DNM2: variants seen among roughly 807,000 people sequenced by gnomAD.
DNM2 encodes the protein dynamin-2.
In DNM2, 15 loss-of-function variants were observed where a neutral mutation model predicts 99.0. The ratio of observed to expected loss-of-function variants is 0.15; its 90% CI spans 0.10 to 0.23. The LOEUF (loss-of-function observed/expected upper bound fraction) is 0.23. Ranked by LOEUF, DNM2 falls within the 10% of genes least tolerant of loss-of-function variation. The probability of loss-of-function intolerance (pLI) is 1.00; values close to 1 mark genes in which losing one functional copy is unlikely to be tolerated. For missense variants in DNM2, 742 were observed against 1,189.4 expected (o/e 0.62, Z 5.53); for synonymous variants, 525 against 481.2 (o/e 1.09, Z -1.19).
intron 2 of DNM2, among the ~76,000 whole-genome samples, chr19:10,763,921 G>A (rs1222952269): frequency 6.6e-6 from 1 of 152,172 alleles, no homozygotes; most frequent in Non-Finnish European, 1.5e-5. Context: ...AGGCAATGGG[G>A]GCCTGGCCCT....
At chr19:10,799,345 C>A (rs1029931158) in intron 11 of DNM2, among the ~76,000 whole-genome samples, 2 of 152,168 alleles carry the variant, frequency 1.3e-5, no homozygotes, top group Admixed American at 6.5e-5. Context: ...TGACTCCCTT[C>A]CTGCCACCCT....
At chr19:10,779,502 CTTTTTTTTTTT>C (rs55819116) in intron 5 of DNM2, among the ~76,000 whole-genome samples, 1 of 29,602 alleles carries the variant, frequency 3.4e-5, no homozygotes, top group Non-Finnish European at 5.8e-5. Context: ...TTCTTTCTTT[CTTTTTTTTTTT>C]TTTTTTTTTT....
At position 10,830,765 on chromosome 19, in the gene DNM2, G is replaced by C. The variant is rs1185625188; in HGVS notation, c.2544-213G>C. ...CTCCGGTGGGGAAGCTGAGGCCCAGGGAGGGCAGGGGGCTCACTGAGGGTC... is the reference window on the plus strand; with the variant it reads ...CTCCGGTGGGGAAGCTGAGGCCCAGCGAGGGCAGGGGGCTCACTGAGGGTC... On this transcript the variant is annotated intron_variant, in intron 20 of 20. Coordinates refer to ENST00000389253, the MANE Select transcript of DNM2 (RefSeq NM_001005361.3). This position sits in a 1 kb window ranked among gnomAD's most constrained non-coding sequence, Gnocchi z 4.8. 6.6e-6 allele frequency among the ~76,000 whole-genome samples: 1 copy of C among 152,148 alleles called. No individual in the cohort carries two copies. Among genetic ancestry groups the C allele is most frequent in the Admixed American group, 6.5e-5 (1 of 15,284 alleles).
At chr19:10,782,533 T>C (rs2071414189) in intron 5 of DNM2, among the ~76,000 whole-genome samples, 1 of 151,914 alleles carries the variant, frequency 6.6e-6, no homozygotes, top group South Asian at 2.1e-4. Flanking sequence ...TAATTTTTTG[T>C]ATTTTTAGTA....
In DNM2 at chr19:10,743,075, G is replaced by T. The variant is rs116636051; in HGVS notation, c.162-16663G>T. Among the ~76,000 whole-genome samples the T allele has an allele frequency of 4.8e-3, 735 of 151,904 alleles. 9 individuals carry two copies. Among genetic ancestry groups the T allele is most frequent in the African/African-American group, 0.017 (704 of 41,458 alleles). On this transcript the variant is annotated intron_variant, in intron 1 of 20. Transcript: ENST00000389253. Reference sequence around the variant, plus strand: ...ACCACAGGCGTGTGCCACCACGCCCGGCTAATTTTTTGTAGAGGCGAGGTT... The same window carrying T: ...ACCACAGGCGTGTGCCACCACGCCCTGCTAATTTTTTGTAGAGGCGAGGTT...
intron 5 of DNM2, among the ~76,000 whole-genome samples, chr19:10,777,549 A>AT (rs2071195264): frequency 6.6e-6 from 1 of 151,938 alleles, no homozygotes; most frequent in Non-Finnish European, 1.5e-5. Flanking sequence ...ACTTTAATTA[A>AT]TTTTTTTATT....
chr19:10,732,609 G>A (rs570867925), intron 1 of DNM2, among the ~76,000 whole-genome samples: 12 of 151,758 alleles, frequency 7.9e-5, no homozygotes, highest in Admixed American at 7.9e-4. Flanking sequence ...CAAAAAAAAA[G>A]GAAAAACAAT....
intron 5 of DNM2, among the ~76,000 whole-genome samples, chr19:10,779,343 C>T (rs1457384821): frequency 1.3e-5 from 2 of 151,868 alleles, no homozygotes; most frequent in Non-Finnish European, 2.9e-5. Flanking sequence ...CATCTGTAAC[C>T]TCTCCCACTT....
In DNM2 at chr19:10,737,808, T is replaced by C. The variant is rs1366245813; in HGVS notation, c.161+19405T>C. 2.6e-5 allele frequency among the ~76,000 whole-genome samples: 4 copies of C among 152,108 alleles called. No homozygotes were observed. The East Asian group carries it at 5.8e-4, about 22-fold the overall frequency. On this transcript the variant is annotated intron_variant, in intron 1 of 20. Transcript: ENST00000389253. Reference sequence around the variant, plus strand: ...CCTATTTGTTTGATTTCTCTTTCTGTCTCCCCCCACTAGAAGGGGAATGCC... The same window carrying C: ...CCTATTTGTTTGATTTCTCTTTCTGCCTCCCCCCACTAGAAGGGGAATGCC...
chr19:10,783,185 C>A, intron 6 of DNM2, 65 bp downstream of exon 6: 2 of 1,591,508 alleles, frequency 1.3e-6, no homozygotes, highest in East Asian at 2.2e-5. Flanking sequence ...CAGCTGCAAT[C>A]CTCACTGGCA....
intron 3 of DNM2, among the ~76,000 whole-genome samples, chr19:10,774,316 TA>T (rs554079419): frequency 2.6e-5 from 4 of 152,030 alleles, no homozygotes; most frequent in East Asian, 1.9e-4. Context: ...CCCTCTATCT[TA>T]AAAAAAATGT....
At chr19:10,733,163 T>G in intron 1 of DNM2, among the ~76,000 whole-genome samples, 1 of 143,458 alleles carries the variant, frequency 7.0e-6, no homozygotes, top group South Asian at 2.2e-4. Flanking sequence ...GGATTACCAG[T>G]GTGAGCCACC....
At chr19:10,719,262 A>C (rs2068857376) in intron 1 of DNM2, among the ~76,000 whole-genome samples, 1 of 152,142 alleles carries the variant, frequency 6.6e-6, no homozygotes, top group African/African-American at 2.4e-5. Flanking sequence ...ACAGAGCTGA[A>C]GGAGGAGGTT....
chr19:10,825,026 C>A, intron 17 of DNM2, 31 bp from the exon 18 acceptor site: 1 of 1,613,302 alleles, frequency 6.2e-7, no homozygotes, highest in South Asian at 1.1e-5. Context: ...AGGCCACAGT[C>A]ACCCCTCAGC....
At chr19:10,753,074 T>A (rs996003674) in intron 1 of DNM2, among the ~76,000 whole-genome samples, 2 of 152,182 alleles carry the variant, frequency 1.3e-5, no homozygotes, top group Non-Finnish European at 2.9e-5. Context: ...TAGTGAGCTG[T>A]GACCTTACCA....
At chr19:10,721,459 G>A (rs1342317372) in intron 1 of DNM2, among the ~76,000 whole-genome samples, 24 of 152,116 alleles carry the variant, frequency 1.6e-4, no homozygotes, top group Admixed American at 1.5e-3. Flanking sequence ...GGCTGGCCTC[G>A]TTAAGAGTAT....
intron 1 of DNM2, among the ~76,000 whole-genome samples, chr19:10,753,434 C>T (rs1013632461): frequency 7.4e-6 from 1 of 134,644 alleles, no homozygotes; most frequent in African/African-American, 2.7e-5. Context: ...TTTCCCCTTC[C>T]CCCTTCCCTT....
At chr19:10,730,661 A>T in intron 1 of DNM2, among the ~76,000 whole-genome samples, 1 of 151,980 alleles carries the variant, frequency 6.6e-6, no homozygotes, top group East Asian at 1.9e-4. Context: ...CCATCTATAT[A>T]AAGAGTAATA....
In DNM2 at chr19:10,812,766, G is replaced by A. The variant is rs2072597927; in HGVS notation, c.1671+389G>A. ...TGCGCCACTGCACTCCAGCCTGGGC[G>A]AGAGAGCGAGACTCCATCTCAAAAT... On this transcript the variant is annotated intron_variant, in intron 15 of 20. Coordinates refer to ENST00000389253, the MANE Select transcript of DNM2 (RefSeq NM_001005361.3). This position sits in a 1 kb window ranked among gnomAD's most constrained non-coding sequence, Gnocchi z 4.0. 2.0e-5 allele frequency among the ~76,000 whole-genome samples: 3 copies of A among 152,122 alleles called. No homozygotes were observed. The highest frequency in any genetic ancestry group is 6.5e-5 in the Admixed American group (1 of 15,280).
Sources: allele counts gnomAD v4.1 joint callset (sites outside exome capture counted in the v4.1 genomes callset), GRCh38; gene constraint gnomAD v4.1.1; non-coding constraint Gnocchi (gnomAD v3.1); transcripts MANE v1.5; gene names NCBI Gene and HGNC (gene_info 2026-07-23, HGNC 2026-07-21).